RORB: variants seen among roughly 807,000 people sequenced by gnomAD.
The protein encoded by RORB is nuclear receptor ROR-beta.
RORB carries 6 observed loss-of-function variants against 59.1 expected under a neutral mutation model. The ratio of observed to expected loss-of-function variants is 0.10; its 90% confidence interval spans 0.06 to 0.20. The LOEUF (loss-of-function observed/expected upper bound fraction) is 0.20, where lower values mean the gene tolerates loss of function less well. Among genes scored for constraint, RORB ranks in the 10% least tolerant of loss-of-function variants. RORB has a pLI of 1.00. For synonymous variants in RORB, 215 were observed against 204.5 expected, an observed-to-expected ratio of 1.05 and a Z score of -0.44; for missense variants, 320 against 560.5, an observed-to-expected ratio of 0.57 and a Z score of 4.33.
chr9:74,604,684 T>C (rs776114697), intron 1 of RORB, among the ~76,000 whole-genome samples: 1 of 152,206 alleles, frequency 6.6e-6, no homozygotes, highest in Non-Finnish European at 1.5e-5. Flanking sequence ...TACTTGGCAA[T>C]TTTTATCTCA....
intron 9 of RORB, among the ~76,000 whole-genome samples, chr9:74,684,996 T>C (rs1312597195): frequency 2.6e-5 from 4 of 152,190 alleles, no homozygotes; most frequent in Non-Finnish European, 4.4e-5. Context: ...CCAGTGTTGT[T>C]AACACTTTTG....
chr9:74,604,050 A>ATTATT (rs5898365), intron 1 of RORB, among the ~76,000 whole-genome samples: 117,107 of 151,802 alleles, frequency 0.77, 45,693 homozygotes, highest in East Asian at 0.92. Flanking sequence ...AGCACTAAAT[A>ATTATT]TTATTTTTCT....
chr9:74,559,735 G>T lies in RORB; in HGVS notation c.7+61752G>T, dbSNP rs139069861. Reference sequence around the variant, plus strand: ...TATGACATTTTCCTACCAAAGAGATGAATGCACCTTGATAGCAATATTGAA... The same window carrying T: ...TATGACATTTTCCTACCAAAGAGATTAATGCACCTTGATAGCAATATTGAA... On this transcript the variant is annotated intron_variant, in intron 1 of 9. Transcript: ENST00000376896. Among the ~76,000 whole-genome samples the T allele has an allele frequency of 7.2e-5, 11 of 152,216 alleles. No homozygotes were observed. In the East Asian group the frequency reaches 1.9e-3, roughly 27 times the overall value.
At chr9:74,583,255 G>T (rs997923438) in intron 1 of RORB, among the ~76,000 whole-genome samples, 5 of 152,076 alleles carry the variant, frequency 3.3e-5, no homozygotes, top group African/African-American at 1.2e-4. Flanking sequence ...CTAGACTAAA[G>T]AAGAACTGCC....
At chr9:74,613,260 C>CATGAG (rs1230276989) in intron 1 of RORB, among the ~76,000 whole-genome samples, 1 of 152,200 alleles carries the variant, frequency 6.6e-6, no homozygotes, top group Non-Finnish European at 1.5e-5. Context: ...TGATTTCAGA[C>CATGAG]ATGAGTAGCC....
intron 5 of RORB, 143 bp from the exon 6 acceptor site, chr9:74,662,331 G>T (rs572671307): frequency 9.2e-6 from 7 of 758,304 alleles, no homozygotes; most frequent in African/African-American, 3.5e-5. Flanking sequence ...TAAAAGTAGT[G>T]CCCTCCTTTT....
chr9:74,519,979 T>C (rs1826060856), intron 1 of RORB, among the ~76,000 whole-genome samples: 1 of 151,796 alleles, frequency 6.6e-6, no homozygotes, highest in Non-Finnish European at 1.5e-5. Flanking sequence ...GCAGGTACAA[T>C]AATGCACTAT....
At chr9:74,575,481 C>A (rs140959044) in intron 1 of RORB, among the ~76,000 whole-genome samples, 57 of 152,092 alleles carry the variant, frequency 3.7e-4, no homozygotes, top group Non-Finnish European at 5.7e-4. Context: ...AGTGGTAGAG[C>A]GAGAATGATT....
intron 1 of RORB, among the ~76,000 whole-genome samples, chr9:74,610,219 C>G (rs1215579445): frequency 6.6e-6 from 1 of 152,152 alleles, no homozygotes; most frequent in Non-Finnish European, 1.5e-5. Context: ...AATAAAAATG[C>G]CTGGTTTCAC....
At chr9:74,558,560 A>T (rs1563937222) in intron 1 of RORB, among the ~76,000 whole-genome samples, 1 of 152,240 alleles carries the variant, frequency 6.6e-6, no homozygotes, top group Non-Finnish European at 1.5e-5. Flanking sequence ...TATTTATTGA[A>T]CACCCTTGCA....
In RORB at chr9:74,688,584, T is replaced by TA. The variant is rs76298657; in HGVS notation, c.*2978dup. Reference sequence around the variant, plus strand: ...CTGTATCCACTCAGGGATGTTTCCTTAAAAAAAAAAAATACATCAAGAAGG... The same window carrying TA: ...CTGTATCCACTCAGGGATGTTTCCTTAAAAAAAAAAAAATACATCAAGAAGG... On this transcript the variant is annotated 3_prime_UTR_variant, in exon 10 of 10. Coordinates refer to ENST00000376896, the MANE Select transcript of RORB (RefSeq NM_006914.4). The TA allele has an allele frequency of 0.26, 38,680 of 146,238 alleles. 5,275 individuals are homozygous for TA. Among genetic ancestry groups the TA allele is most frequent in the East Asian group, 0.64 (3,218 of 5,006 alleles). 9.1% of individuals were successfully genotyped at this position (146,238 alleles called of 1,614,324 possible). A position where few individuals can be genotyped will look rare whatever the true frequency, so the allele number is the denominator to read the frequency against.
intron 9 of RORB, among the ~76,000 whole-genome samples, chr9:74,676,450 G>A (rs77258993): frequency 0.049 from 7,499 of 152,262 alleles, 577 homozygotes; most frequent in African/African-American, 0.17. Flanking sequence ...CTCACCATAT[G>A]CAGGCTTAGA....
intron 1 of RORB, among the ~76,000 whole-genome samples, chr9:74,510,823 G>C (rs1043603266): frequency 1.3e-5 from 2 of 152,060 alleles, no homozygotes; most frequent in African/African-American, 4.8e-5. Context: ...TTGAAAAAAA[G>C]AGCTCAACTT....
At chr9:74,683,510 A>G (rs1885967) in intron 9 of RORB, among the ~76,000 whole-genome samples, 16,227 of 152,122 alleles carry the variant, frequency 0.11, 1,181 homozygotes, top group Admixed American at 0.17. Flanking sequence ...TAATCTGGCC[A>G]TGCACACCTC....
At chr9:74,520,224 C>A (rs1284711953) in intron 1 of RORB, among the ~76,000 whole-genome samples, 1 of 151,896 alleles carries the variant, frequency 6.6e-6, no homozygotes, top group African/African-American at 2.4e-5. Context: ...TATTCTTTCT[C>A]ATGTAATGCA....
intron 1 of RORB, among the ~76,000 whole-genome samples, chr9:74,536,914 C>A (rs981183625): frequency 6.6e-6 from 1 of 151,920 alleles, no homozygotes; most frequent in Non-Finnish European, 1.5e-5. Flanking sequence ...ATGACCCACA[C>A]GAGGGAGAAT....
intron 9 of RORB, among the ~76,000 whole-genome samples, chr9:74,680,218 G>A (rs890967083): frequency 6.6e-6 from 1 of 152,142 alleles, no homozygotes; most frequent in African/African-American, 2.4e-5. Context: ...ATATCTCATA[G>A]AACTCAAGGT....
intron 1 of RORB, among the ~76,000 whole-genome samples, chr9:74,564,238 C>G (rs1822439488): frequency 6.6e-6 from 1 of 152,092 alleles, no homozygotes; most frequent in South Asian, 2.1e-4. Flanking sequence ...TGTCCATCTC[C>G]CCCATGATGT....
chr9:74,667,706 T>C (rs534755132), intron 7 of RORB, 85 bp from the exon 8 acceptor site: 9 of 820,406 alleles, frequency 1.1e-5, no homozygotes, highest in East Asian at 2.5e-5. Flanking sequence ...CCTCCTTGGA[T>C]AGCTTATTGA....
Sources: allele counts gnomAD v4.1 joint callset (sites outside exome capture counted in the v4.1 genomes callset), GRCh38; gene constraint gnomAD v4.1.1; transcripts MANE v1.5; gene names NCBI Gene and HGNC (gene_info 2026-07-23, HGNC 2026-07-21).